Variants in PCDHGB4 observed in about 807,000 individuals in gnomAD.
PCDHGB4 encodes protocadherin gamma-B4.
In PCDHGB4, 38 loss-of-function variants were observed where a neutral mutation model predicts 60.5. The ratio of observed to expected loss-of-function variants is 0.63; its 90% CI spans 0.48 to 0.82. The LOEUF (loss-of-function observed/expected upper bound fraction) is 0.82. Among genes scored for constraint, PCDHGB4 ranks in the 40% least tolerant of loss-of-function variants. PCDHGB4 has a pLI of 0.00. For missense variants in PCDHGB4, 1,109 were observed against 1,209.6 expected, an observed-to-expected ratio of 0.92 and a Z score of 1.23; for synonymous variants, 456 against 509.7, an observed-to-expected ratio of 0.89 and a Z score of 1.42.
intron 1 of PCDHGB4, among the ~76,000 whole-genome samples, chr5:141,472,527 G>A (rs905459978): frequency 1.3e-5 from 2 of 151,468 alleles, no homozygotes; most frequent in African/African-American, 4.9e-5. Flanking sequence ...GTGACAGAGT[G>A]AGACACCATC....
intron 1 of PCDHGB4, among the ~76,000 whole-genome samples, chr5:141,443,016 G>T (rs1325670377): frequency 6.6e-6 from 1 of 152,204 alleles, no homozygotes; most frequent in East Asian, 1.9e-4. Context: ...TATGACTAAT[G>T]GAAGTTGCCA....
intron 3 of PCDHGB4, among the ~76,000 whole-genome samples, chr5:141,510,166 A>G (rs1280391099): frequency 6.6e-6 from 1 of 151,872 alleles, no homozygotes; most frequent in African/African-American, 2.4e-5. Flanking sequence ...TCAGCTACTC[A>G]GGAGGTTGAG....
At chr5:141,409,119 C>T (rs1231583978) in intron 1 of PCDHGB4, 8 of 1,613,810 alleles carry the variant, frequency 5.0e-6, no homozygotes, top group Non-Finnish European at 6.8e-6. Flanking sequence ...AATAACCAGT[C>T]ATTTGATTTT....
Position 141,431,374 on chromosome 5 carries a change from GGCT to G in PCDHGB4, c.2397+41097_2397+41099del, listed in dbSNP as rs752583215. The G allele has an allele frequency of 1.7e-4, 275 of 1,613,980 alleles. No individual in the cohort carries two copies. Among genetic ancestry groups the G allele is most frequent in the Non-Finnish European group, 2.0e-4 (238 of 1,180,036 alleles). On this transcript the variant is annotated intron_variant, in intron 1 of 3. Coordinates refer to ENST00000519479, the MANE Select transcript of PCDHGB4 (RefSeq NM_003736.4). This position sits in a 1 kb window ranked among gnomAD's most constrained non-coding sequence, Gnocchi z 4.8. Reference sequence around the variant, plus strand: ...AACGCGCCCTGGACCGCGAAGAAAAGGCTGCTCACCACCTGGTCCTTACGGCCT... The same window carrying G: ...AACGCGCCCTGGACCGCGAAGAAAAGGCTCACCACCTGGTCCTTACGGCCT...
intron 1 of PCDHGB4, chr5:141,442,380 T>G (rs1235241143): frequency 2.6e-5 from 4 of 152,244 alleles, no homozygotes; most frequent in Non-Finnish European, 4.4e-5. Flanking sequence ...TCCTACCAGG[T>G]GTGTGCTTCT....
In PCDHGB4 at chr5:141,476,336, C is replaced by A; in HGVS notation, c.2398-18471C>A. 18 of 1,614,008 alleles carry A rather than the reference C, an allele frequency of 1.1e-5. No homozygotes were observed. Among genetic ancestry groups the A allele is most frequent in the Non-Finnish European group, 1.5e-5 (18 of 1,180,008 alleles). ...GTTCCGGGTGGTGTCTGGAGCTAGC[C>A]GAAGATTCTTTGAGGTGAACCGGGA... On this transcript the variant is annotated intron_variant, in intron 1 of 3. Coordinates refer to ENST00000519479, the MANE Select transcript of PCDHGB4 (RefSeq NM_003736.4). The surrounding 1 kb of genome is among the most constrained non-coding windows in gnomAD (Gnocchi z 7.6).
chr5:141,414,576 G>A, intron 1 of PCDHGB4: 1 of 1,613,898 alleles, frequency 6.2e-7, no homozygotes, highest in Non-Finnish European at 8.5e-7. Context: ...ATATCCCAGA[G>A]AACAACGCCA....
At chr5:141,419,392 C>A (rs1338481275) in intron 1 of PCDHGB4, 1 of 1,613,612 alleles carries the variant, frequency 6.2e-7, no homozygotes, top group Non-Finnish European at 8.5e-7. Flanking sequence ...GCGCGCAGAG[C>A]GGGGTGGTGT....
intron 1 of PCDHGB4, among the ~76,000 whole-genome samples, chr5:141,437,886 C>T (rs763669578): frequency 1.1e-4 from 17 of 152,140 alleles, no homozygotes; most frequent in Non-Finnish European, 1.5e-4. Context: ...TACAGGCACA[C>T]GCCACCACAC....
chr5:141,481,913 C>CA (rs34114744), intron 1 of PCDHGB4, among the ~76,000 whole-genome samples: 1,134 of 90,654 alleles, frequency 0.013, 16 homozygotes, highest in East Asian at 0.053. Flanking sequence ...AACTCCATCT[C>CA]AAAAAAAAAA....
At chr5:141,425,827 T>C (rs2096896512) in intron 1 of PCDHGB4, among the ~76,000 whole-genome samples, 1 of 152,226 alleles carries the variant, frequency 6.6e-6, no homozygotes, top group South Asian at 2.1e-4. Context: ...AAACAAACTT[T>C]TAAATTCTCT....
Position 141,453,270 on chromosome 5 carries a change from T to C in PCDHGB4, c.2398-41537T>C, listed in dbSNP as rs1592250907. 4.6e-5 allele frequency among the ~76,000 whole-genome samples: 7 copies of C among 152,146 alleles called. No homozygotes were observed. In the South Asian group the frequency reaches 1.5e-3, roughly 32 times the overall value. On this transcript the variant is annotated intron_variant, in intron 1 of 3. Transcript: ENST00000519479. The stretch of plus-strand genomic sequence containing the variant: ...CTGGGGCTGCAAGTGCACACCACCA[T>C]GACTGGCTAATTTTTTAATTATTTA...
At position 141,486,637 on chromosome 5, in the gene PCDHGB4, G is replaced by C. The variant is rs761072169; in HGVS notation, c.2398-8170G>C. 28 of 1,613,638 alleles carry C rather than the reference G, an allele frequency of 1.7e-5. No homozygotes were observed. The highest frequency in any genetic ancestry group is 1.1e-5 in the Non-Finnish European group (13 of 1,180,034). ...CTGACCCAGACTCTGGCTTGAATGC[G>C]CTTATCTCCTACTCACTCCTGGAGC... On this transcript the variant is annotated intron_variant, in intron 1 of 3. Transcript: ENST00000519479. This position sits in a 1 kb window ranked among gnomAD's most constrained non-coding sequence, Gnocchi z 5.0.
intron 1 of PCDHGB4, chr5:141,415,066 C>T (rs777981621): frequency 1.4e-5 from 23 of 1,613,410 alleles, no homozygotes; most frequent in Non-Finnish European, 1.9e-5. Flanking sequence ...GGGCGAGGTG[C>T]GCACGGCGCG....
chr5:141,427,213 G>A (rs566924176), intron 1 of PCDHGB4: 3 of 456,706 alleles, frequency 6.6e-6, no homozygotes, highest in East Asian at 6.9e-5. Context: ...TTCGAATTTC[G>A]TAGCAGTTAT....
chr5:141,428,056 C>T (rs2097104330), intron 1 of PCDHGB4: 3 of 1,609,000 alleles, frequency 1.9e-6, no homozygotes, highest in African/African-American at 1.3e-5. Flanking sequence ...AAGGTGGTGG[C>T]GGTGGACGCA....
Position 141,389,358 on chromosome 5 carries a change from A to G in PCDHGB4, c.1474A>G (p.Ser492Gly). 6.2e-7 allele frequency: 1 copy of G among 1,613,908 alleles called. No homozygotes were observed. The highest frequency in any genetic ancestry group is 8.5e-7 in the Non-Finnish European group (1 of 1,179,918). Residue 492 changes from serine (S) to glycine (G), a missense_variant, in exon 1 of 4, where the codon AGT (serine) becomes GGT (glycine). Transcript: ENST00000519479. ...CCAAGTCTCTTACTGCATCATGGCC[A>G]GTGACCTGGAGCAGCGGGAGCTGTC... ...NGQVSYCIMA[S>G]DLEQRELSSY...
chr5:141,503,307 G>T (rs1042228003), intron 2 of PCDHGB4, among the ~76,000 whole-genome samples: 5 of 152,096 alleles, frequency 3.3e-5, no homozygotes, highest in African/African-American at 1.2e-4. Context: ...GCTCAAGAAA[G>T]AATTGTTGGA....
At chr5:141,457,940 T>G (rs541807221) in intron 1 of PCDHGB4, among the ~76,000 whole-genome samples, 2 of 152,356 alleles carry the variant, frequency 1.3e-5, no homozygotes, top group East Asian at 3.9e-4. Flanking sequence ...TTTTATTGGC[T>G]CTGCATGTCA....
Sources: allele counts gnomAD v4.1 joint callset (sites outside exome capture counted in the v4.1 genomes callset), GRCh38; gene constraint gnomAD v4.1.1; non-coding constraint Gnocchi (gnomAD v3.1); transcripts MANE v1.5; gene names NCBI Gene and HGNC (gene_info 2026-07-23, HGNC 2026-07-21).